RAB38: variants seen among roughly 807,000 people sequenced by gnomAD.
The protein encoded by RAB38 is RAB38, member RAS oncogene family, also known as ras-related protein Rab-38.
A neutral mutation model predicts 18.4 loss-of-function variants in RAB38; 15 were observed. The ratio of observed to expected loss-of-function variants is 0.82; its 90% CI spans 0.55 to 1.26. RAB38 has a LOEUF of 1.26. RAB38 is among the 50% of genes most tolerant of loss of function. RAB38 has a pLI of 0.00. For missense variants in RAB38, 294 were observed against 267.4 expected (o/e 1.10, Z -0.69); for synonymous variants, 101 against 104.4 (o/e 0.97, Z 0.20).
At chr11:88,171,974 C>T (rs1943316375) in intron 1 of RAB38, among the ~76,000 whole-genome samples, 1 of 152,140 alleles carries the variant, frequency 6.6e-6, no homozygotes, top group Non-Finnish European at 1.5e-5. Flanking sequence ...CTTAATAATA[C>T]CAAAAATCCA....
At chr11:88,117,036 G>A (rs966941399) in intron 2 of RAB38, among the ~76,000 whole-genome samples, 6 of 152,152 alleles carry the variant, frequency 3.9e-5, no homozygotes, top group African/African-American at 1.4e-4. Context: ...AATTGTTTGC[G>A]AGTTTTAACA....
chr11:87,870,664 C>T, the RAB38 span, among the ~76,000 whole-genome samples: 1 of 151,534 alleles, frequency 6.6e-6, no homozygotes, highest in Non-Finnish European at 1.5e-5. Flanking sequence ...TAAATTGGAG[C>T]AGGAAAGTGA....
the RAB38 span, among the ~76,000 whole-genome samples, chr11:87,970,140 T>A: frequency 6.6e-6 from 1 of 152,172 alleles, no homozygotes; most frequent in South Asian, 2.1e-4. Flanking sequence ...CTGGGGCTAA[T>A]GTAAAGCAAG....
At chr11:87,956,100 C>G in the RAB38 span, among the ~76,000 whole-genome samples, 1 of 60,938 alleles carries the variant, frequency 1.6e-5, no homozygotes, top group Non-Finnish European at 3.0e-5. Flanking sequence ...TTTTTAAAAA[C>G]AAACATACAT....
chr11:87,864,329 ATATGT>A, the RAB38 span, among the ~76,000 whole-genome samples: 1 of 149,874 alleles, frequency 6.7e-6, no homozygotes, highest in Admixed American at 6.7e-5. Flanking sequence ...ATTTATATTA[ATATGT>A]TATATATTAT....
At chr11:88,140,871 G>T (rs933487833) in intron 2 of RAB38, among the ~76,000 whole-genome samples, 3 of 152,158 alleles carry the variant, frequency 2.0e-5, no homozygotes, top group African/African-American at 7.2e-5. Flanking sequence ...TGGATGTAGG[G>T]TCTCCAAATT....
the RAB38 span, among the ~76,000 whole-genome samples, chr11:87,913,929 A>G: frequency 6.6e-6 from 1 of 152,022 alleles, no homozygotes; most frequent in Non-Finnish European, 1.5e-5. Flanking sequence ...CAGCCTCCAT[A>G]ACTGTAAGAA....
At chr11:87,918,476 T>A in the RAB38 span, among the ~76,000 whole-genome samples, 1 of 152,152 alleles carries the variant, frequency 6.6e-6, no homozygotes, top group South Asian at 2.1e-4. Flanking sequence ...CATAATGATG[T>A]ATTAATTTAC....
intron 1 of RAB38, among the ~76,000 whole-genome samples, chr11:88,156,071 G>A (rs1053450584): frequency 1.3e-5 from 2 of 152,070 alleles, no homozygotes; most frequent in Non-Finnish European, 2.9e-5. Context: ...TCCTGAGAGA[G>A]AAGAAAAATT....
chr11:88,052,939 T>TTC, the RAB38 span, among the ~76,000 whole-genome samples: 6 of 121,414 alleles, frequency 4.9e-5, no homozygotes, highest in African/African-American at 1.9e-4. Context: ...TATATATATA[T>TTC]ATATAAATTA....
the RAB38 span, among the ~76,000 whole-genome samples, chr11:87,810,642 T>C: frequency 1.3e-5 from 2 of 152,326 alleles, no homozygotes; most frequent in African/African-American, 2.4e-5. Flanking sequence ...TTAATAATTC[T>C]ATGAGCCAAT....
At chr11:87,840,229 A>G in the RAB38 span, among the ~76,000 whole-genome samples, 2 of 152,230 alleles carry the variant, frequency 1.3e-5, no homozygotes, top group African/African-American at 4.8e-5. Context: ...TGTCACTGCC[A>G]GATGGCTTAC....
At chr11:87,893,859 C>T in the RAB38 span, among the ~76,000 whole-genome samples, 1 of 151,664 alleles carries the variant, frequency 6.6e-6, no homozygotes, top group African/African-American at 2.4e-5. Flanking sequence ...AAGTCTGCAA[C>T]TTGTTCTTTT....
At chr11:87,814,897 C>A in the RAB38 span, 1 of 152,102 alleles carries the variant, frequency 6.6e-6, no homozygotes, top group Admixed American at 6.6e-5. Context: ...CAGCGCCCGG[C>A]TAATTTTTTG....
the RAB38 span, among the ~76,000 whole-genome samples, chr11:88,090,486 G>A: frequency 6.6e-6 from 1 of 151,886 alleles, no homozygotes; most frequent in Non-Finnish European, 1.5e-5. Flanking sequence ...AGTATAGGTA[G>A]CAAGTCATTA....
chr11:87,925,325 T>G, the RAB38 span, among the ~76,000 whole-genome samples: 1 of 152,030 alleles, frequency 6.6e-6, no homozygotes. Context: ...TAATGCTAAC[T>G]TAAGGAATTT....
intron 1 of RAB38, chr11:88,173,713 G>A (rs1283616006): frequency 3.1e-6 from 3 of 969,564 alleles, no homozygotes; most frequent in Admixed American, 6.3e-5. Context: ...TACACAGAGA[G>A]AATTTTTTTA....
the RAB38 span, among the ~76,000 whole-genome samples, chr11:87,922,520 A>G: frequency 6.6e-6 from 1 of 151,834 alleles, no homozygotes; most frequent in East Asian, 1.9e-4. Context: ...TCATATTCAT[A>G]TTTGACAAGT....
At chr11:87,879,404 G>A in the RAB38 span, 1 of 151,474 alleles carries the variant, frequency 6.6e-6, no homozygotes, top group Non-Finnish European at 1.5e-5. Flanking sequence ...CAGTAAGTGA[G>A]AAGACTTTTT....
Sources: allele counts gnomAD v4.1 joint callset (sites outside exome capture counted in the v4.1 genomes callset), GRCh38; gene constraint gnomAD v4.1.1; transcripts MANE v1.5; gene names NCBI Gene and HGNC (gene_info 2026-07-23, HGNC 2026-07-21).